EXOC6B: variants seen among roughly 807,000 people sequenced by gnomAD.
EXOC6B encodes exocyst complex component 6B.
A neutral mutation model predicts 113.5 loss-of-function variants in EXOC6B; 54 were observed. The ratio of observed to expected loss-of-function variants is 0.48; its 90% CI spans 0.38 to 0.60. The LOEUF is 0.60. Ranked by LOEUF, EXOC6B falls within the 20% of genes least tolerant of loss-of-function variation. The pLI is 0.00. For synonymous variants in EXOC6B, 357 were observed against 339.0 expected (o/e 1.05, Z -0.58); for missense variants, 797 against 977.5 (o/e 0.82, Z 2.46).
intron 18 of EXOC6B, among the ~76,000 whole-genome samples, chr2:72,397,661 T>TAAAATAAAATAAAATAAAATAAA (rs1558625759): frequency 1.4e-4 from 14 of 102,108 alleles, no homozygotes; most frequent in African/African-American, 1.0e-3. Flanking sequence ...AAAATAAAAT[T>TAAAATAAAATAAAATAAAATAAA]ATATATATAT....
intron 20 of EXOC6B, among the ~76,000 whole-genome samples, chr2:72,276,794 C>T (rs945482374): frequency 6.6e-6 from 1 of 152,078 alleles, no homozygotes; most frequent in African/African-American, 2.4e-5. Context: ...AATCCAATAA[C>T]ATATTTTATT....
intron 20 of EXOC6B, among the ~76,000 whole-genome samples, chr2:72,255,081 T>C (rs940802688): frequency 6.6e-6 from 1 of 152,138 alleles, no homozygotes; most frequent in Non-Finnish European, 1.5e-5. Flanking sequence ...TGGACAACCT[T>C]TTGCTGAAGA....
At chr2:72,531,633 G>A (rs1702008816) in intron 8 of EXOC6B, among the ~76,000 whole-genome samples, 2 of 152,174 alleles carry the variant, frequency 1.3e-5, no homozygotes, top group African/African-American at 4.8e-5. Context: ...AAATGATAGC[G>A]AGTAGGTAAT....
At chr2:72,432,530 A>G (rs1695599617) in intron 18 of EXOC6B, among the ~76,000 whole-genome samples, 1 of 152,144 alleles carries the variant, frequency 6.6e-6, no homozygotes, top group African/African-American at 2.4e-5. Context: ...GAACTAATTT[A>G]CACTCCCACC....
intron 1 of EXOC6B, among the ~76,000 whole-genome samples, chr2:72,785,850 C>A (rs1222233175): frequency 6.6e-6 from 1 of 152,228 alleles, no homozygotes; most frequent in Non-Finnish European, 1.5e-5. Context: ...TAAATTGCTC[C>A]CCAGAAAACG....
intron 20 of EXOC6B, among the ~76,000 whole-genome samples, chr2:72,281,081 A>G (rs1437829749): frequency 1.3e-5 from 2 of 152,188 alleles, no homozygotes; most frequent in East Asian, 1.9e-4. Context: ...AAAATGCACT[A>G]TGCTCCCAGT....
chr2:72,539,233 C>A (rs571241458), intron 8 of EXOC6B, among the ~76,000 whole-genome samples: 1 of 152,166 alleles, frequency 6.6e-6, no homozygotes, highest in African/African-American at 2.4e-5. Context: ...ATCTAACATA[C>A]TTCTTCTGCC....
intron 16 of EXOC6B, among the ~76,000 whole-genome samples, chr2:72,484,715 C>G (rs1372748608): frequency 1.3e-5 from 2 of 151,948 alleles, no homozygotes; most frequent in Non-Finnish European, 2.9e-5. Context: ...GTTTTCTGTT[C>G]GTGTGTTAGT....
chr2:72,556,991 A>T (rs1365285089), intron 8 of EXOC6B, among the ~76,000 whole-genome samples: 1 of 151,926 alleles, frequency 6.6e-6, no homozygotes, highest in African/African-American at 2.4e-5. Flanking sequence ...AAAAAAAATG[A>T]ACAAAGGTTA....
intron 3 of EXOC6B, 36 bp downstream of exon 3, chr2:72,733,035 C>G: frequency 6.9e-7 from 1 of 1,458,620 alleles, no homozygotes; most frequent in Non-Finnish European, 9.5e-7. Context: ...TGGCATGAAA[C>G]AGAAAAGATT....
At chr2:72,363,971 C>A (rs955428089) in intron 19 of EXOC6B, among the ~76,000 whole-genome samples, 6 of 152,108 alleles carry the variant, frequency 3.9e-5, no homozygotes, top group African/African-American at 1.2e-4. Context: ...ACCTCATATT[C>A]AAAAACACTC....
At chr2:72,601,176 G>GTGCGTGTGTGTA (rs1553450422) in intron 6 of EXOC6B, among the ~76,000 whole-genome samples, 5 of 147,536 alleles carry the variant, frequency 3.4e-5, no homozygotes, top group South Asian at 2.1e-4. Flanking sequence ...GTGTGTGTGT[G>GTGCGTGTGTGTA]TATATCTTTT....
At chr2:72,194,151 G>A (rs981660577) in intron 20 of EXOC6B, among the ~76,000 whole-genome samples, 8 of 152,122 alleles carry the variant, frequency 5.3e-5, no homozygotes, top group African/African-American at 1.9e-4. Context: ...AGAAAAAAAT[G>A]GCTTTAGAGA....
chr2:72,696,744 G>A (rs1001182029), intron 6 of EXOC6B, among the ~76,000 whole-genome samples: 9 of 152,178 alleles, frequency 5.9e-5, no homozygotes, highest in African/African-American at 1.7e-4. Context: ...CCAGGAACAT[G>A]AGTGATTCCT....
intron 6 of EXOC6B, among the ~76,000 whole-genome samples, chr2:72,617,839 T>C (rs1204057675): frequency 6.6e-6 from 1 of 152,100 alleles, no homozygotes; most frequent in African/African-American, 2.4e-5. Flanking sequence ...TTCTAATCTT[T>C]GCTACAGACT....
chr2:72,315,293 A>G (rs535483266), intron 20 of EXOC6B, among the ~76,000 whole-genome samples: 87 of 152,164 alleles, frequency 5.7e-4, no homozygotes, highest in Middle Eastern at 3.4e-3. Context: ...TATCAGAGTG[A>G]GAACAGAGTA....
chr2:72,421,861 A>G (rs948896828), intron 18 of EXOC6B, among the ~76,000 whole-genome samples: 1 of 152,214 alleles, frequency 6.6e-6, no homozygotes, highest in Non-Finnish European at 1.5e-5. Flanking sequence ...GGCTGCGTGC[A>G]GCGCTTGCGG....
rs1312622889 is a variant in EXOC6B at position 72,176,604 on chromosome 2, T to C, written c.*2731A>G. 6.6e-6 allele frequency: 1 copy of C among 152,248 alleles called. No individual in the cohort carries two copies. Among genetic ancestry groups the C allele is most frequent in the Non-Finnish European group, 1.5e-5 (1 of 68,052 alleles). The allele number at this position is 152,248 out of a possible 1,614,324, so 9.4% of individuals were successfully genotyped here. A position where few individuals can be genotyped will look rare whatever the true frequency, so the allele number is the denominator to read the frequency against. Reference sequence around the variant, plus strand: ...TCCTGGTTCCCATTTTCAGGTCCTGTTCTTCCCTACCTGCAACAGCTTCAT... The same window carrying C: ...TCCTGGTTCCCATTTTCAGGTCCTGCTCTTCCCTACCTGCAACAGCTTCAT... On this transcript the variant is annotated 3_prime_UTR_variant, in exon 22 of 22. Coordinates refer to ENST00000272427, the MANE Select transcript of EXOC6B (RefSeq NM_015189.3).
At chr2:72,360,930 CAAAAA>C (rs3063329) in intron 19 of EXOC6B, among the ~76,000 whole-genome samples, 3 of 91,160 alleles carry the variant, frequency 3.3e-5, no homozygotes, top group African/African-American at 1.1e-4. Context: ...GACTCCATCT[CAAAAA>C]AAAAAAAAAA....
Sources: allele counts gnomAD v4.1 joint callset (sites outside exome capture counted in the v4.1 genomes callset), GRCh38; gene constraint gnomAD v4.1.1; transcripts MANE v1.5; gene names NCBI Gene and HGNC (gene_info 2026-07-23, HGNC 2026-07-21).